The following SIK3 variants were observed in gnomAD, a reference collection of about 807,000 sequenced individuals.
SIK3 encodes the protein SIK family kinase 3, also known as serine/threonine-protein kinase SIK3.
In SIK3, 28 loss-of-function variants were observed where a neutral mutation model predicts 144.2. The observed-to-expected ratio is 0.19, with a 90% CI of 0.14 to 0.27. The LOEUF is 0.27. Ranked by LOEUF, SIK3 falls within the 10% of genes least tolerant of loss-of-function variation. The pLI, the probability that SIK3 is intolerant of heterozygous loss-of-function variation, is 1.00. For synonymous variants in SIK3, 686 were observed against 676.3 expected (o/e 1.01, Z -0.22); for missense variants, 1,319 against 1,776.0 (o/e 0.74, Z 4.62).
chr11:117,087,931 A>G (rs1252611116), intron 1 of SIK3, among the ~76,000 whole-genome samples: 1 of 152,206 alleles, frequency 6.6e-6, no homozygotes, highest in Non-Finnish European at 1.5e-5. Flanking sequence ...ATGTTATGGT[A>G]AAGTAAAACT....
At chr11:117,005,002 A>T (rs1950987955) in intron 1 of SIK3, among the ~76,000 whole-genome samples, 2 of 152,214 alleles carry the variant, frequency 1.3e-5, no homozygotes, top group South Asian at 4.1e-4. Context: ...TCATACAGCT[A>T]GTTAAGGGCA....
At chr11:117,088,587 A>C (rs1955115383) in intron 1 of SIK3, among the ~76,000 whole-genome samples, 1 of 152,216 alleles carries the variant, frequency 6.6e-6, no homozygotes, top group Admixed American at 6.5e-5. Context: ...AGTGAATAAC[A>C]GATTAAAATT....
chr11:116,967,254 A>G (rs1949592694), intron 1 of SIK3, among the ~76,000 whole-genome samples: 1 of 152,244 alleles, frequency 6.6e-6, no homozygotes, highest in African/African-American at 2.4e-5. Flanking sequence ...GCATTTGTCA[A>G]GAAGCCTGTG....
intron 1 of SIK3, among the ~76,000 whole-genome samples, chr11:117,043,193 C>CG (rs1952818702): frequency 6.6e-6 from 1 of 151,836 alleles, no homozygotes; most frequent in Non-Finnish European, 1.5e-5. Flanking sequence ...TCCCTCCGAA[C>CG]GTGCCATGAA....
intron 21 of SIK3, among the ~76,000 whole-genome samples, chr11:116,856,711 T>A (rs1014613958): frequency 6.6e-6 from 1 of 152,172 alleles, no homozygotes; most frequent in Non-Finnish European, 1.5e-5. Flanking sequence ...AATTCCCCCC[T>A]AAGAGCGCAT....
At chr11:116,845,855 T>C (rs1941897221) in intron 24 of SIK3, among the ~76,000 whole-genome samples, 1 of 152,214 alleles carries the variant, frequency 6.6e-6, no homozygotes, top group Admixed American at 6.5e-5. Flanking sequence ...GTGTACTCTT[T>C]GCATTACTCC....
chr11:116,993,564 GTA>G (rs1950562908), intron 1 of SIK3, among the ~76,000 whole-genome samples: 1 of 152,038 alleles, frequency 6.6e-6, no homozygotes, highest in African/African-American at 2.4e-5. Flanking sequence ...ATTCTAAAAA[GTA>G]TAGAGGAGCA....
chr11:116,891,696 A>ATG (rs369800282), intron 6 of SIK3, among the ~76,000 whole-genome samples: 1 of 151,902 alleles, frequency 6.6e-6, no homozygotes, highest in Admixed American at 6.6e-5. Context: ...ATGTACGTGT[A>ATG]TGTGTGTGTG....
intron 1 of SIK3, 52 bp from the exon 2 acceptor site, chr11:116,957,116 C>G (rs778275387): frequency 2.0e-6 from 2 of 1,000,404 alleles, no homozygotes; most frequent in South Asian, 1.9e-5. Flanking sequence ...AAGCAGTTTA[C>G]TAAGAAAAAT....
intron 1 of SIK3, among the ~76,000 whole-genome samples, chr11:117,064,957 G>C (rs61903396): frequency 6.6e-6 from 1 of 151,990 alleles, no homozygotes; most frequent in African/African-American, 2.4e-5. Context: ...AAACCAGCCC[G>C]GTCAGCATGG....
At chr11:116,899,043 G>A (rs867643385) in intron 4 of SIK3, among the ~76,000 whole-genome samples, 64 of 151,822 alleles carry the variant, frequency 4.2e-4, no homozygotes, top group Middle Eastern at 3.4e-3. Flanking sequence ...TGAAGTCCTT[G>A]CCCATGCCTA....
At chr11:117,054,541 A>AG (rs1953422272) in intron 1 of SIK3, among the ~76,000 whole-genome samples, 1 of 152,346 alleles carries the variant, frequency 6.6e-6, no homozygotes, top group Admixed American at 6.5e-5. Context: ...AAGATGGCCA[A>AG]GAGGCCAGGA....
chr11:116,949,992 G>A, intron 3 of SIK3: 2 of 407,870 alleles, frequency 4.9e-6, no homozygotes, highest in Non-Finnish European at 9.8e-6. Flanking sequence ...TCTAGGAACT[G>A]AGAGTTTGGT....
chr11:116,997,821 C>T (rs556846969), intron 1 of SIK3, among the ~76,000 whole-genome samples: 3 of 152,282 alleles, frequency 2.0e-5, no homozygotes, highest in South Asian at 2.1e-4. Context: ...GGGACAAAAA[C>T]GGCACAAGAG....
At chr11:117,072,822 T>C (rs1954339576) in intron 1 of SIK3, among the ~76,000 whole-genome samples, 1 of 152,162 alleles carries the variant, frequency 6.6e-6, no homozygotes, top group African/African-American at 2.4e-5. Flanking sequence ...TTCCCTACAA[T>C]GGTGGCTGAA....
intron 1 of SIK3, among the ~76,000 whole-genome samples, chr11:117,021,361 A>G (rs1951754601): frequency 6.6e-6 from 1 of 152,144 alleles, no homozygotes; most frequent in Non-Finnish European, 1.5e-5. Flanking sequence ...CACTTAGTAC[A>G]AATTTGCTAA....
intron 13 of SIK3, 101 bp from the exon 14 acceptor site, chr11:116,870,502 T>G: frequency 6.6e-7 from 1 of 1,516,434 alleles, no homozygotes; most frequent in Non-Finnish European, 9.0e-7. Context: ...GTTAACTTTC[T>G]TATTTACAGA....
rs1337022306 is a variant in SIK3, at chr11:117,067,577, T to G, written c.273+30566A>C. ...CTTTCTGCGAGACTGAATTGTTCTGTATCTTGATTGTATGGTTATTAAATG... is the reference window on the plus strand; with the variant it reads ...CTTTCTGCGAGACTGAATTGTTCTGGATCTTGATTGTATGGTTATTAAATG... On this transcript the variant is annotated intron_variant, in intron 1 of 24. Transcript: ENST00000445177. Among the ~76,000 whole-genome samples the G allele has an allele frequency of 2.0e-5, 3 of 152,236 alleles. No homozygotes were observed. In the East Asian group the frequency reaches 5.8e-4, roughly 29 times the overall value.
At position 116,853,765 on chromosome 11, in the gene SIK3, T is replaced by C. The variant is rs184849218; in HGVS notation, c.3655+4045A>G. On this transcript the variant is annotated intron_variant, in intron 21 of 24. Coordinates refer to ENST00000445177, the MANE Select transcript of SIK3 (RefSeq NM_001366686.3). The stretch of plus-strand genomic sequence containing the variant: ...TTTCTTTGTGAGTTCCAGTTGGTAA[T>C]CTCATGGTGTAGATTGGTTATGCTG... Among the ~76,000 whole-genome samples, 5 of 152,344 alleles carry C rather than the reference T, an allele frequency of 3.3e-5. No individual in the cohort carries two copies. The East Asian group carries it at 9.6e-4, about 29-fold the overall frequency.
Sources: allele counts gnomAD v4.1 joint callset (sites outside exome capture counted in the v4.1 genomes callset), GRCh38; gene constraint gnomAD v4.1.1; transcripts MANE v1.5; gene names NCBI Gene and HGNC (gene_info 2026-07-23, HGNC 2026-07-21).